The following INTS8 variants were observed in gnomAD, a reference collection of about 807,000 sequenced individuals.
The protein encoded by INTS8 is protein kaonashi-1.
Under a neutral mutation model 138.9 loss-of-function variants are expected in INTS8, and 47 were observed. The ratio of observed to expected loss-of-function variants is 0.34; its 90% CI spans 0.27 to 0.43. INTS8 has a LOEUF of 0.43. INTS8 is among the 20% of genes least tolerant of loss of function. The pLI is 1.00. For missense variants in INTS8, 996 were observed against 1,173.0 expected, an observed-to-expected ratio of 0.85 and a Z score of 2.20; for synonymous variants, 392 against 400.9, an observed-to-expected ratio of 0.98 and a Z score of 0.27.
intron 4 of INTS8, among the ~76,000 whole-genome samples, chr8:94,828,400 T>C (rs962356006): frequency 1.3e-5 from 2 of 152,228 alleles, no homozygotes; most frequent in African/African-American, 4.8e-5. Context: ...GGGAAATTAA[T>C]ATATGTCAAT....
At position 94,856,915 on chromosome 8, in the gene INTS8, GGA is replaced by G; in HGVS notation, c.1898_1899del (p.Arg633ThrfsTer8). 6.2e-7 allele frequency: 1 copy of G among 1,614,102 alleles called. No homozygotes were observed. The highest frequency in any genetic ancestry group is 8.5e-7 in the Non-Finnish European group (1 of 1,180,026). On this transcript the variant is annotated frameshift_variant, in exon 15 of 27. Transcript: ENST00000523731. LOFTEE classifies it high-confidence loss of function. ...ACACGAAGCTGGGACAGGGCAGGCA[GGA>G]GAGAGACCGCCATCCGACCTTATAA... is the stretch of plus-strand genomic sequence containing the variant. Reference protein sequence around the residue: ...HTHEAGTGQAGERPPSDLISR... With the variant: ...HTHEAGTGQAXERPPSDLISR...
chr8:94,857,069 ATC>A, intron 15 of INTS8, 91 bp downstream of exon 15: 8 of 867,560 alleles, frequency 9.2e-6, no homozygotes, highest in Admixed American at 3.0e-5. Context: ...TGAGTTTGTA[ATC>A]TTTTTTTTTT....
rs376327879 is a variant in INTS8 at position 94,827,246 on chromosome 8, C to T, written c.306-17C>T. ...TTCACAATTAATGTGCAAACATGTACGTTTTGCTTCTTCAAGTTTGTCTGT... is the reference window on the plus strand; with the variant it reads ...TTCACAATTAATGTGCAAACATGTATGTTTTGCTTCTTCAAGTTTGTCTGT... On this transcript the variant is annotated splice_polypyrimidine_tract_variant and intron_variant, in intron 2 of 26. Coordinates refer to ENST00000523731, the MANE Select transcript of INTS8 (RefSeq NM_017864.4). 2.7e-4 allele frequency: 442 copies of T among 1,607,654 alleles called. 3 individuals carry two copies. The highest frequency in any genetic ancestry group is 2.5e-3 in the South Asian group (223 of 90,574).
At chr8:94,840,322 T>C (rs1815086583) in intron 8 of INTS8, among the ~76,000 whole-genome samples, 1 of 152,310 alleles carries the variant, frequency 6.6e-6, no homozygotes, top group African/African-American at 2.4e-5. Flanking sequence ...AAACCACTTA[T>C]GTCAGTACTT....
chr8:94,852,281 A>T (rs1815574483), intron 13 of INTS8, among the ~76,000 whole-genome samples: 1 of 152,110 alleles, frequency 6.6e-6, no homozygotes, highest in African/African-American at 2.4e-5. Flanking sequence ...TAAATGGTAT[A>T]TTATTTATGC....
At chr8:94,853,406 G>A (rs751540072) in intron 13 of INTS8, among the ~76,000 whole-genome samples, 1 of 152,174 alleles carries the variant, frequency 6.6e-6, no homozygotes, top group Non-Finnish European at 1.5e-5. Flanking sequence ...GCTTAAGCTT[G>A]AATGCCAGCT....
intron 22 of INTS8, 82 bp downstream of exon 22, chr8:94,873,559 A>C: frequency 1.2e-6 from 1 of 823,280 alleles, no homozygotes; most frequent in Non-Finnish European, 2.1e-6. Flanking sequence ...GAACTTACCC[A>C]TTTCCTTGTA....
intron 6 of INTS8, among the ~76,000 whole-genome samples, chr8:94,835,720 C>G (rs561426510): frequency 3.3e-5 from 5 of 152,260 alleles, no homozygotes; most frequent in East Asian, 3.9e-4. Context: ...CTGCCCCAGC[C>G]TCCCAAATAG....
intron 8 of INTS8, among the ~76,000 whole-genome samples, chr8:94,841,183 T>A (rs1038329495): frequency 2.0e-5 from 3 of 152,152 alleles, no homozygotes; most frequent in African/African-American, 7.2e-5. Context: ...AGTGCTCAGA[T>A]TACAAGCGTG....
intron 18 of INTS8, 70 bp from the exon 19 acceptor site, chr8:94,867,070 A>G: frequency 8.8e-7 from 1 of 1,140,684 alleles, no homozygotes; most frequent in Non-Finnish European, 1.3e-6. Context: ...GATGTCTGTG[A>G]GGTTGACAGG....
At chr8:94,877,075 T>C (rs2131080474) in intron 26 of INTS8, among the ~76,000 whole-genome samples, 1 of 152,360 alleles carries the variant, frequency 6.6e-6, no homozygotes, top group South Asian at 2.1e-4. Flanking sequence ...TTTCCTAATA[T>C]CTATTTCCCC....
intron 22 of INTS8, 79 bp from the exon 23 acceptor site, chr8:94,874,473 C>A: frequency 1.3e-6 from 1 of 783,154 alleles, no homozygotes; most frequent in Non-Finnish European, 2.3e-6. Context: ...CCTCTTTTGA[C>A]ATCCCATACC....
At chr8:94,828,291 T>C (rs1324037695) in intron 4 of INTS8, among the ~76,000 whole-genome samples, 2 of 152,198 alleles carry the variant, frequency 1.3e-5, no homozygotes, top group African/African-American at 4.8e-5. Flanking sequence ...TCCACCCGCC[T>C]TGGTCTTCCA....
intron 14 of INTS8, among the ~76,000 whole-genome samples, chr8:94,854,247 T>C (rs1275945776): frequency 6.6e-6 from 1 of 152,044 alleles, no homozygotes; most frequent in Non-Finnish European, 1.5e-5. Context: ...CTTTACTAAT[T>C]TTAGCAGGAA....
chr8:94,868,423 G>A (rs1816262661), intron 20 of INTS8, among the ~76,000 whole-genome samples: 1 of 152,132 alleles, frequency 6.6e-6, no homozygotes, highest in Non-Finnish European at 1.5e-5. Flanking sequence ...CTCAATCTTA[G>A]AGATTGGAAA....
intron 13 of INTS8, 104 bp downstream of exon 13, chr8:94,851,790 T>C (rs1313092136): frequency 1.0e-5 from 9 of 869,762 alleles, no homozygotes; most frequent in Non-Finnish European, 1.6e-5. Context: ...GACCTCTTAC[T>C]TAACAGTTTT....
intron 6 of INTS8, among the ~76,000 whole-genome samples, chr8:94,835,572 T>C (rs1446043777): frequency 6.6e-6 from 1 of 151,958 alleles, no homozygotes; most frequent in Non-Finnish European, 1.5e-5. Flanking sequence ...AAATTCCCGA[T>C]CTTTTCAGAC....
chr8:94,849,541 CTTTCT>C lies in INTS8; in HGVS notation c.1331+18_1331+22del. 1.4e-6 allele frequency: 2 copies of C among 1,462,318 alleles called. No homozygotes were observed. The highest frequency in any genetic ancestry group is 2.2e-5 in the Admixed American group (1 of 46,460). The allele number at this position is 1,462,318 out of a possible 1,614,324, so 90.6% of individuals were successfully genotyped here. On this transcript the variant is annotated intron_variant, in intron 11 of 26. Transcript: ENST00000523731. ...ATGGCTGCTTTTCTAAAGTAAGTAC[CTTTCT>C]TTTCTTTTTTCTTTTTTTTTTTAAC...
At chr8:94,854,692 A>G (rs1339299487) in intron 14 of INTS8, among the ~76,000 whole-genome samples, 4 of 152,168 alleles carry the variant, frequency 2.6e-5, no homozygotes, top group South Asian at 2.1e-4. Flanking sequence ...TGAGGCTTAA[A>G]TAAGTTAACT....
Sources: allele counts gnomAD v4.1 joint callset (sites outside exome capture counted in the v4.1 genomes callset), GRCh38; gene constraint gnomAD v4.1.1; transcripts MANE v1.5; gene names NCBI Gene and HGNC (gene_info 2026-07-23, HGNC 2026-07-21).